The following LAMP1 variants were observed in gnomAD, a reference collection of about 807,000 sequenced individuals.
The protein encoded by LAMP1 is lysosome-associated membrane glycoprotein 1.
In LAMP1, 7 loss-of-function variants were observed where a neutral mutation model predicts 37.5. The ratio of observed to expected loss-of-function variants is 0.19; its 90% CI spans 0.11 to 0.35. LAMP1 has a LOEUF of 0.35. Among genes scored for constraint, LAMP1 ranks in the 10% least tolerant of loss-of-function variants. The probability of loss-of-function intolerance (pLI) is 1.00; values close to 1 mark genes in which losing one functional copy is unlikely to be tolerated. For synonymous variants in LAMP1, 236 were observed against 229.1 expected (o/e 1.03, Z -0.27); for missense variants, 537 against 552.8 (o/e 0.97, Z 0.29).
Position 113,298,941 on chromosome 13 carries a change from G to T in LAMP1, c.61+1446G>T, listed in dbSNP as rs145120795. On this transcript the variant is annotated intron_variant, in intron 1 of 8. Coordinates refer to ENST00000332556, the MANE Select transcript of LAMP1 (RefSeq NM_005561.4). ...ATGGATCATGGCGTCAGGAGTTCGAGACCAGCCTGGCCAATATGGCGAAAC... is the reference window on the plus strand; with the variant it reads ...ATGGATCATGGCGTCAGGAGTTCGATACCAGCCTGGCCAATATGGCGAAAC... 2.6e-3 allele frequency among the ~76,000 whole-genome samples: 392 copies of T among 152,336 alleles called. 2 individuals are homozygous for T. Among genetic ancestry groups the T allele is most frequent in the African/African-American group, 9.1e-3 (380 of 41,574 alleles).
At chr13:113,309,528 A>G (rs957790407) in intron 2 of LAMP1, 115 bp from the exon 3 acceptor site, 3 of 759,854 alleles carry the variant, frequency 3.9e-6, no homozygotes, top group South Asian at 1.9e-5. Context: ...CTCAGTAGTG[A>G]TATCTTAGTT....
Position 113,309,713 on chromosome 13 carries a change from C to T in LAMP1, c.254C>T (p.Thr85Ile). The change falls in exon 3 of 9, where the codon ACT becomes ATT. Residue 85 changes from threonine (T) to isoleucine (I), a missense_variant. Coordinates refer to ENST00000332556, the MANE Select transcript of LAMP1 (RefSeq NM_005561.4). The part of the protein sequence containing the change: ...LNRSSCGKEN[T>I]SDPSLVIAFG... ...CGCAGCTCCTGTGGAAAAGAGAACACTTCTGACCCCAGTCTCGTGATTGCT... is the reference window on the plus strand; with the variant it reads ...CGCAGCTCCTGTGGAAAAGAGAACATTTCTGACCCCAGTCTCGTGATTGCT... The T allele has an allele frequency of 6.2e-7, 1 of 1,614,242 alleles. No homozygotes were observed. The highest frequency in any genetic ancestry group is 1.3e-5 in the African/African-American group (1 of 75,060).
chr13:113,305,118 G>A (rs1419269832), intron 1 of LAMP1: 9 of 152,182 alleles, frequency 5.9e-5, no homozygotes, highest in Non-Finnish European at 1.2e-4. Flanking sequence ...CGGATTCATT[G>A]GAATCCATTA....
Position 113,309,801 on chromosome 13 carries a change from G to T in LAMP1, c.342G>T (p.Gln114His). Residue 114 changes from glutamine to histidine, a missense_variant, in exon 3 of 9, where the codon CAG (glutamine) becomes CAT (histidine). Physicochemically the swap from Gln to His is conservative, Grantham distance 24. Coordinates refer to ENST00000332556, the MANE Select transcript of LAMP1 (RefSeq NM_005561.4). ...FTRNATRYSV[Q>H]LMSFVYNLSD... ...GAAATGCAACACGTTACAGCGTCCAGCTCATGAGTTTTGTTTATAACTTGT... is the reference window on the plus strand; with the variant it reads ...GAAATGCAACACGTTACAGCGTCCATCTCATGAGTTTTGTTTATAACTTGT... 1.2e-6 allele frequency: 2 copies of T among 1,614,070 alleles called. No homozygotes were observed. Among genetic ancestry groups the T allele is most frequent in the South Asian group, 1.1e-5 (1 of 91,084 alleles).
chr13:113,306,305 T>G, intron 1 of LAMP1, 180 bp from the exon 2 acceptor site: 1 of 529,954 alleles, frequency 1.9e-6, no homozygotes, highest in Non-Finnish European at 3.2e-6. Context: ...TGCAGTGAGC[T>G]GAGATCACGC....
rs2139351358 is a variant in LAMP1 at position 113,297,336 on chromosome 13, C to T, written c.-99C>T. Reference sequence around the variant, plus strand: ...TAACGCCGCTGTCTCTAACGCCAGCCCTTGGCGCCCGCGCCCCGCCACCGC... The same window carrying T: ...TAACGCCGCTGTCTCTAACGCCAGCTCTTGGCGCCCGCGCCCCGCCACCGC... On this transcript the variant is annotated 5_prime_UTR_variant, in exon 1 of 9. Transcript: ENST00000332556. This position sits in a 1 kb window ranked among gnomAD's most constrained non-coding sequence, Gnocchi z 4.4. The T allele has an allele frequency of 4.6e-6, 1 of 216,522 alleles. No homozygotes were observed. The highest frequency in any genetic ancestry group is 1.8e-3 in the Middle Eastern group (1 of 548). 13.4% of individuals were successfully genotyped at this position (216,522 alleles called of 1,614,324 possible).
chr13:113,317,191 G>C (rs1232943198), intron 4 of LAMP1, among the ~76,000 whole-genome samples: 1 of 152,184 alleles, frequency 6.6e-6, no homozygotes, highest in Non-Finnish European at 1.5e-5. Flanking sequence ...GGGTGCTGGA[G>C]GAGGTGTGAC....
chr13:113,308,435 C>A, intron 2 of LAMP1, among the ~76,000 whole-genome samples: 1 of 141,678 alleles, frequency 7.1e-6, no homozygotes, highest in Non-Finnish European at 1.5e-5. Flanking sequence ...TGGGTTCAAG[C>A]AATTCTTCTG....
intron 4 of LAMP1, among the ~76,000 whole-genome samples, chr13:113,316,124 G>A (rs2139371819): frequency 6.6e-6 from 1 of 152,186 alleles, no homozygotes; most frequent in South Asian, 2.1e-4. Context: ...AACAAAGTAG[G>A]GCAGATGACT....
At chr13:113,309,011 A>G (rs1019392908) in intron 2 of LAMP1, among the ~76,000 whole-genome samples, 1 of 152,230 alleles carries the variant, frequency 6.6e-6, no homozygotes, top group Non-Finnish European at 1.5e-5. Flanking sequence ...TCTCAAATAT[A>G]TATCTCACCC....
intron 1 of LAMP1, among the ~76,000 whole-genome samples, chr13:113,299,704 G>C (rs1407748170): frequency 6.6e-6 from 1 of 151,788 alleles, no homozygotes; most frequent in Non-Finnish European, 1.5e-5. Context: ...TAGTAGCTGG[G>C]ACTACAGGTG....
intron 4 of LAMP1, among the ~76,000 whole-genome samples, chr13:113,313,059 C>T (rs1029457473): frequency 2.0e-4 from 31 of 152,264 alleles, no homozygotes; most frequent in African/African-American, 7.2e-4. Flanking sequence ...TGACCTTGTC[C>T]GGGGACTCCC....
At chr13:113,316,633 G>A (rs1280269813) in intron 4 of LAMP1, among the ~76,000 whole-genome samples, 1 of 152,108 alleles carries the variant, frequency 6.6e-6, no homozygotes, top group South Asian at 2.1e-4. Flanking sequence ...GTGTTAACCA[G>A]GATGGTCTTG....
intron 4 of LAMP1, among the ~76,000 whole-genome samples, chr13:113,316,694 T>G (rs2042666942): frequency 1.3e-5 from 2 of 152,234 alleles, no homozygotes; most frequent in East Asian, 3.9e-4. Context: ...GTGCTGGGAT[T>G]ACAGGCGTGA....
At chr13:113,299,162 T>A (rs2042557599) in intron 1 of LAMP1, among the ~76,000 whole-genome samples, 1 of 152,132 alleles carries the variant, frequency 6.6e-6, no homozygotes, top group African/African-American at 2.4e-5. Context: ...AAATTAACTT[T>A]AAAAATGAAG....
rs1017329698 is a variant in LAMP1 at position 113,323,408 on chromosome 13, TAAA to T, written c.*990_*992del. The T allele has an allele frequency of 2.0e-5, 3 of 152,028 alleles. No homozygotes were observed. The highest frequency in any genetic ancestry group is 7.3e-5 in the African/African-American group (3 of 41,358). The allele number at this position is 152,028 out of a possible 1,614,324, so 9.4% of individuals were successfully genotyped here. A position where few individuals can be genotyped will look rare whatever the true frequency, so the allele number is the denominator to read the frequency against. ...TAATGCATTGCCTGTAACAATGTAA[TAAA>T]AAGCCTCTTTCTTTTTGGGGTGGGC... On this transcript the variant is annotated 3_prime_UTR_variant, in exon 9 of 9. Coordinates refer to ENST00000332556, the MANE Select transcript of LAMP1 (RefSeq NM_005561.4).
chr13:113,304,063 TA>T (rs1279067511), intron 1 of LAMP1, among the ~76,000 whole-genome samples: 2 of 151,818 alleles, frequency 1.3e-5, no homozygotes, highest in Non-Finnish European at 2.9e-5. Flanking sequence ...ACTCAGTCTC[TA>T]AAAAATAAAA....
intron 4 of LAMP1, among the ~76,000 whole-genome samples, chr13:113,318,528 G>A (rs1455327127): frequency 6.6e-6 from 1 of 152,150 alleles, no homozygotes; most frequent in Non-Finnish European, 1.5e-5. Context: ...GTGTGTTAGT[G>A]AGAGTGTTGG....
rs1327309281 is a variant in LAMP1, at chr13:113,309,929, T to A, written c.403+67T>A. 7 of 1,309,056 alleles carry A rather than the reference T, an allele frequency of 5.3e-6. No homozygotes were observed. The African/African-American group carries it at 1.0e-4, about 19-fold the overall frequency. 81.1% of individuals were successfully genotyped at this position (1,309,056 alleles called of 1,614,324 possible). ...GGGTTGGAGGATTGTCTAAAGTTAC[T>A]TTTACCTAAGAAGTACAGGCTGGGT... On this transcript the variant is annotated intron_variant, in intron 3 of 8. Coordinates refer to ENST00000332556, the MANE Select transcript of LAMP1 (RefSeq NM_005561.4).
Sources: gnomAD v4.1 joint callset for allele counts (sites outside exome capture counted in the v4.1 genomes callset) on GRCh38, gnomAD v4.1.1 for gene constraint, Gnocchi (gnomAD v3.1) non-coding constraint, MANE v1.5 for transcripts, NCBI Gene and HGNC (gene_info 2026-07-23, HGNC 2026-07-21) for gene names.